NOX1: variants seen among roughly 807,000 people sequenced by gnomAD.
NOX1 encodes NADH/NADPH mitogenic oxidase subunit P65-MOX.
Under a neutral mutation model 42.5 loss-of-function variants are expected in NOX1, and 34 were observed. That is an observed-to-expected ratio of 0.80 (90% CI 0.61 to 1.07). The LOEUF is 1.07. Among genes scored for constraint, NOX1 ranks in the 50% least tolerant of loss-of-function variants. NOX1 has a pLI of 0.00. For synonymous variants in NOX1, 143 were observed against 152.5 expected, an observed-to-expected ratio of 0.94 and a Z score of 0.46; for missense variants, 408 against 427.0, an observed-to-expected ratio of 0.96 and a Z score of 0.39.
rs187895609 is a variant in NOX1, at chrX:100,848,400, C to T, written c.1568+230G>A. Among the ~76,000 whole-genome samples, 20 of 111,327 alleles carry T rather than the reference C, an allele frequency of 1.8e-4. No homozygotes were observed. In the East Asian group the frequency reaches 5.5e-3, roughly 30 times the overall value. On this transcript the variant is annotated intron_variant, in intron 12 of 12. Transcript: ENST00000372966. ...CTGCCTCCCAGGTTCAAGCAATTCT[C>T]CTTGCCTCAGCCTCCCAAGTAGCTG...
chrX:100,871,642 T>C (rs1272056423), intron 1 of NOX1, among the ~76,000 whole-genome samples: 2 of 112,060 alleles, frequency 1.8e-5, no homozygotes, highest in African/African-American at 6.5e-5. Flanking sequence ...AGGTGAAATT[T>C]GGAACTCACT....
In NOX1 at chrX:100,843,463, T is replaced by G; in HGVS notation, c.*489A>C. On this transcript the variant is annotated 3_prime_UTR_variant, in exon 13 of 13. Coordinates refer to ENST00000372966, the MANE Select transcript of NOX1 (RefSeq NM_007052.5). The stretch of plus-strand genomic sequence containing the variant: ...TATATGGGGATGGGGTTCTCGGTAA[T>G]TTTGTTTATTATTTATGTTTATTAT... 4.5e-6 allele frequency: 5 copies of G among 1,099,779 alleles called. No individual in the cohort carries two copies. The highest frequency in any genetic ancestry group is 5.9e-6 in the Non-Finnish European group (5 of 845,825). The allele number at this position is 1,099,779 out of a possible 1,213,427, so 90.6% of individuals were successfully genotyped here.
In NOX1 at chrX:100,850,184, C is replaced by T. The variant is rs1158123397; in HGVS notation, c.1100G>A (p.Arg367Lys). Residue 367 changes from arginine to lysine, a missense_variant, in exon 9 of 13, where the codon AGG (arginine) becomes AAG (lysine). Transcript: ENST00000372966. Reference protein sequence around the residue: ...AAGDWTENLIRAFEQQYSPIP... With the variant: ...AAGDWTENLIKAFEQQYSPIP... ...TGGTGAATATTGTTGTTCGAAAGCC[C>T]TTATGAGATTTTCTGTCCAGTCCCC... 8.3e-7 allele frequency: 1 copy of T among 1,209,543 alleles called. No homozygotes were observed. The highest frequency in any genetic ancestry group is 1.7e-5 in the African/African-American group (1 of 57,236).
intron 7 of NOX1, among the ~76,000 whole-genome samples, chrX:100,860,540 A>G (rs1191966042): frequency 8.9e-6 from 1 of 111,770 alleles, no homozygotes; most frequent in Non-Finnish European, 1.9e-5. Context: ...TATGAATAAC[A>G]TTAAGCATCA....
Position 100,872,619 on chromosome X carries a change from C to T in NOX1, c.45+1476G>A, listed in dbSNP as rs1279923286. On this transcript the variant is annotated intron_variant, in intron 1 of 12. Coordinates refer to ENST00000372966, the MANE Select transcript of NOX1 (RefSeq NM_007052.5). ...AGCTAGAGAGTTAAATGTGAGTCAC[C>T]ATCATAGCTGGTAAACTCTCCCAGC... Among the ~76,000 whole-genome samples, 3 of 110,790 alleles carry T rather than the reference C, an allele frequency of 2.7e-5. No individual in the cohort carries two copies. In the East Asian group the frequency reaches 8.5e-4, roughly 31 times the overall value.
chrX:100,860,807 G>A (rs932140885), intron 7 of NOX1, among the ~76,000 whole-genome samples: 3 of 111,402 alleles, frequency 2.7e-5, no homozygotes, highest in African/African-American at 6.5e-5. Context: ...TGTCACCCAG[G>A]CTGGAGTGCA....
intron 11 of NOX1, 147 bp downstream of exon 11, chrX:100,849,133 C>T (rs2085095597): frequency 1.7e-6 from 1 of 573,319 alleles, no homozygotes; most frequent in Admixed American, 4.1e-5. Context: ...TGATAGCTGC[C>T]TCTTCTTTCC....
At chrX:100,872,528 A>C (rs898381027) in intron 1 of NOX1, among the ~76,000 whole-genome samples, 4 of 111,254 alleles carry the variant, frequency 3.6e-5, no homozygotes, top group African/African-American at 1.3e-4. Context: ...AGTGCATAGG[A>C]GTATATGTCA....
chrX:100,856,631 G>A (rs753243397), intron 7 of NOX1, among the ~76,000 whole-genome samples: 1 of 109,824 alleles, frequency 9.1e-6, no homozygotes, highest in Non-Finnish European at 1.9e-5. Flanking sequence ...GGAGTGCGGT[G>A]GTGCCATCAC....
intron 7 of NOX1, among the ~76,000 whole-genome samples, chrX:100,859,165 C>T (rs149376352): frequency 0.02 from 2,220 of 111,611 alleles, 75 homozygotes; most frequent in African/African-American, 0.069. Context: ...TTATTGAAAG[C>T]CTTTTGTGTA....
chrX:100,853,781 C>T (rs1446611339), intron 7 of NOX1, among the ~76,000 whole-genome samples: 1 of 111,447 alleles, frequency 9.0e-6, no homozygotes, highest in Non-Finnish European at 1.9e-5. Flanking sequence ...AATGATCCAC[C>T]TGCCTCAGCC....
At chrX:100,866,601 G>A (rs1477691563) in intron 2 of NOX1, among the ~76,000 whole-genome samples, 3 of 109,598 alleles carry the variant, frequency 2.7e-5, no homozygotes, top group African/African-American at 6.6e-5. Flanking sequence ...AAGTAATTGC[G>A]GTTTTTGCAA....
intron 12 of NOX1, among the ~76,000 whole-genome samples, chrX:100,845,920 A>G (rs2085070177): frequency 9.1e-6 from 1 of 109,734 alleles, no homozygotes; most frequent in Non-Finnish European, 1.9e-5. Context: ...AGTAGCTGGG[A>G]CTACAGGCGC....
In NOX1 at chrX:100,870,618, C is replaced by T; in HGVS notation, c.141+101G>A. 3 of 601,255 alleles carry T rather than the reference C, an allele frequency of 5.0e-6. No individual in the cohort carries two copies. The South Asian group carries it at 7.6e-5, about 15-fold the overall frequency. 49.6% of individuals were successfully genotyped at this position (601,255 alleles called of 1,213,427 possible). A position where few individuals can be genotyped will look rare whatever the true frequency, so the allele number is the denominator to read the frequency against. ...GGGCATTCTGTACTTTTTCTGGCAA[C>T]CCTAGCCCTAGAGAATATCAGGGCA... On this transcript the variant is annotated intron_variant, in intron 2 of 12. Transcript: ENST00000372966.
In NOX1 at chrX:100,867,013, C is replaced by CA. The variant is rs971684276; in HGVS notation, c.142-3419dup. ...GAGCAACACGGAGACCTCATGTCTACAAAAAAAAAGTATTTATTTATTTAT... is the reference window on the plus strand; with the variant it reads ...GAGCAACACGGAGACCTCATGTCTACAAAAAAAAAAGTATTTATTTATTTAT... On this transcript the variant is annotated intron_variant, in intron 2 of 12. Coordinates refer to ENST00000372966, the MANE Select transcript of NOX1 (RefSeq NM_007052.5). Among the ~76,000 whole-genome samples, 611 of 109,003 alleles carry CA rather than the reference C, an allele frequency of 5.6e-3. 2 individuals are homozygous for CA. The highest frequency in any genetic ancestry group is 8.9e-3 in the Non-Finnish European group (467 of 52,208). The allele number at this position is 109,003 out of a possible 115,157, so 94.7% of individuals were successfully genotyped here.
In NOX1 at chrX:100,863,963, C is replaced by CAGATATAGATAT. The variant is rs72563175; in HGVS notation, c.142-380_142-369dup. 3.2e-3 allele frequency among the ~76,000 whole-genome samples: 355 copies of CAGATATAGATAT among 110,764 alleles called. 6 individuals carry two copies. In the East Asian group the frequency reaches 0.043, roughly 13 times the overall value. On this transcript the variant is annotated intron_variant, in intron 2 of 12. Coordinates refer to ENST00000372966, the MANE Select transcript of NOX1 (RefSeq NM_007052.5). ...TCACTTGTAAAAGAGTCCTAAGGATCAGATATAGATATAGATATAGATATA... is the reference window on the plus strand; with the variant it reads ...TCACTTGTAAAAGAGTCCTAAGGATCAGATATAGATATAGATATAGATATAGATATAGATATA...
At position 100,855,417 on chromosome X, in the gene NOX1, C is replaced by T. The variant is rs753475339; in HGVS notation, c.805-4092G>A. ...CAGAGCGTCTGCCCCAAAGTTTCCT[C>T]CCTTCATGGGTCCAAAATTTGAATA... is the stretch of plus-strand genomic sequence containing the variant. On this transcript the variant is annotated intron_variant, in intron 7 of 12. Coordinates refer to ENST00000372966, the MANE Select transcript of NOX1 (RefSeq NM_007052.5). 4.4e-5 allele frequency: 28 copies of T among 637,413 alleles called. No homozygotes were observed. The South Asian group carries it at 4.8e-4, about 11-fold the overall frequency. The allele number at this position is 637,413 out of a possible 1,213,427, so 52.5% of individuals were successfully genotyped here. A position where few individuals can be genotyped will look rare whatever the true frequency, so the allele number is the denominator to read the frequency against.
chrX:100,861,175 T>C (rs970244517), intron 7 of NOX1, among the ~76,000 whole-genome samples: 4 of 111,954 alleles, frequency 3.6e-5, no homozygotes, highest in African/African-American at 1.3e-4. Context: ...GCTTTTATGG[T>C]TTTTTTGCTT....
rs1182044230 is a variant in NOX1 at position 100,855,771 on chromosome X, C to T, written c.805-4446G>A. On this transcript the variant is annotated intron_variant, in intron 7 of 12. Transcript: ENST00000372966. ...TCCTCCACAACCAAAGTTTTCATTC[C>T]CACCAAAACCACCTCCACGACCACT... 2.9e-6 allele frequency: 3 copies of T among 1,031,240 alleles called. No homozygotes were observed. The East Asian group carries it at 9.1e-5, about 31-fold the overall frequency. 85.0% of individuals were successfully genotyped at this position (1,031,240 alleles called of 1,213,427 possible).
Sources: gnomAD v4.1 joint callset for allele counts (sites outside exome capture counted in the v4.1 genomes callset) on GRCh38, gnomAD v4.1.1 for gene constraint, MANE v1.5 for transcripts, NCBI Gene and HGNC (gene_info 2026-07-23, HGNC 2026-07-21) for gene names.